Variants in BAIAP2L1 observed in about 807,000 individuals in gnomAD.
BAIAP2L1 encodes BAR/IMD domain-containing adapter protein 2-like 1.
In BAIAP2L1, 35 loss-of-function variants were observed where a neutral mutation model predicts 66.3. That is an observed-to-expected ratio of 0.53 (90% CI 0.40 to 0.70). The LOEUF (loss-of-function observed/expected upper bound fraction) is 0.70. Among genes scored for constraint, BAIAP2L1 ranks in the 30% least tolerant of loss-of-function variants. BAIAP2L1 has a pLI of 0.00. For synonymous variants in BAIAP2L1, 269 were observed against 248.7 expected (o/e 1.08, Z -0.77); for missense variants, 622 against 656.9 (o/e 0.95, Z 0.58).
In BAIAP2L1 at chr7:98,393,163, A is replaced by ATG. The variant is rs1290627919; in HGVS notation, c.51+7638_51+7639insCA. 3.1e-5 allele frequency among the ~76,000 whole-genome samples: 3 copies of ATG among 98,228 alleles called. 1 individual carries two copies. The highest frequency in any genetic ancestry group is 4.5e-5 in the Non-Finnish European group (2 of 44,446). The allele number at this position is 98,228 out of a possible 152,430, so 64.4% of individuals were successfully genotyped here. A position where few individuals can be genotyped will look rare whatever the true frequency, so the allele number is the denominator to read the frequency against. On this transcript the variant is annotated intron_variant, in intron 1 of 13. Transcript: ENST00000005260. The stretch of plus-strand genomic sequence containing the variant: ...TATGTGTACATATATATGTACACAT[A>ATG]TATGTATATATATACATATATGTGT...
At chr7:98,328,672 C>G (rs1801427677) in intron 3 of BAIAP2L1, among the ~76,000 whole-genome samples, 1 of 146,970 alleles carries the variant, frequency 6.8e-6, no homozygotes, top group South Asian at 2.2e-4. Flanking sequence ...ATAGCAAGAT[C>G]CCATCTCAAA....
At chr7:98,372,985 C>T (rs994837158) in intron 1 of BAIAP2L1, among the ~76,000 whole-genome samples, 10 of 152,154 alleles carry the variant, frequency 6.6e-5, no homozygotes, top group Non-Finnish European at 1.5e-4. Flanking sequence ...GGTGATCTGG[C>T]CGCCTTGGCC....
chr7:98,333,326 G>A (rs564345291), intron 3 of BAIAP2L1, among the ~76,000 whole-genome samples: 68 of 151,874 alleles, frequency 4.5e-4, no homozygotes, highest in Admixed American at 1.8e-3. Flanking sequence ...GGCCAGGTGC[G>A]GTGGCTCACA....
intron 3 of BAIAP2L1, among the ~76,000 whole-genome samples, chr7:98,354,151 A>G (rs947839739): frequency 6.6e-6 from 1 of 151,820 alleles, no homozygotes; most frequent in Non-Finnish European, 1.5e-5. Flanking sequence ...CCAACAGCCC[A>G]GCTCCTCAAC....
At chr7:98,381,068 G>C (rs544044642) in intron 1 of BAIAP2L1, among the ~76,000 whole-genome samples, 1 of 152,086 alleles carries the variant, frequency 6.6e-6, no homozygotes, top group African/African-American at 2.4e-5. Flanking sequence ...CTATGGAGCC[G>C]TCCACAGCCA....
chr7:98,311,767 A>G (rs1233254239), intron 8 of BAIAP2L1, among the ~76,000 whole-genome samples: 2 of 152,036 alleles, frequency 1.3e-5, no homozygotes, highest in Admixed American at 6.6e-5. Flanking sequence ...TTAGCCAGGC[A>G]TGGTGGTGCG....
intron 12 of BAIAP2L1, 112 bp from the exon 13 acceptor site, chr7:98,294,223 G>T: frequency 9.0e-7 from 1 of 1,107,566 alleles, no homozygotes; most frequent in Non-Finnish European, 1.3e-6. Context: ...GAACTCCTGA[G>T]CTCACGTGAT....
At chr7:98,398,525 GAACA>G (rs954543607) in intron 1 of BAIAP2L1, among the ~76,000 whole-genome samples, 57 of 150,516 alleles carry the variant, frequency 3.8e-4, no homozygotes, top group African/African-American at 1.2e-3. Context: ...TAATTAAAAC[GAACA>G]AACATTTAGT....
chr7:98,393,073 A>ATATATACGTATACATATATATG (rs1403231732), intron 1 of BAIAP2L1, among the ~76,000 whole-genome samples: 2 of 110,526 alleles, frequency 1.8e-5, no homozygotes, highest in East Asian at 2.2e-4. Flanking sequence ...ACATATATGT[A>ATATATACGTATACATATATATG]TACACACACA....
rs1441384766 is a variant in BAIAP2L1, at chr7:98,298,751, G to A, written c.1423-4640C>T. On this transcript the variant is annotated intron_variant, in intron 12 of 13. Coordinates refer to ENST00000005260, the MANE Select transcript of BAIAP2L1 (RefSeq NM_018842.5). ...GTTAGGGAAAGCTAAGTTATTAATC[G>A]AGGTGGACATAAAAAGGCTGAGACA... Among the ~76,000 whole-genome samples, 5 of 152,186 alleles carry A rather than the reference G, an allele frequency of 3.3e-5. No homozygotes were observed. In the South Asian group the frequency reaches 8.3e-4, roughly 25 times the overall value.
Position 98,400,984 on chromosome 7 carries a change from C to T in BAIAP2L1, c.-132G>A, listed in dbSNP as rs1002419118. 39 of 697,848 alleles carry T rather than the reference C, an allele frequency of 5.6e-5. No homozygotes were observed. The Middle Eastern group carries it at 2.2e-3, about 40-fold the overall frequency. The allele number at this position is 697,848 out of a possible 1,614,324, so 43.2% of individuals were successfully genotyped here. On this transcript the variant is annotated 5_prime_UTR_variant, in exon 1 of 14. Coordinates refer to ENST00000005260, the MANE Select transcript of BAIAP2L1 (RefSeq NM_018842.5). ...GTCGGCCGCCGCCGCAGCCGTCGGC[C>T]CGAGAGTGCCCGCGCGCGTCTCCGC...
chr7:98,386,662 C>T lies in BAIAP2L1; in HGVS notation c.51+14140G>A, dbSNP rs539769973. 3.8e-4 allele frequency: 298 copies of T among 780,954 alleles called. 2 individuals are homozygous for T. In the Admixed American group the frequency reaches 7.3e-3, roughly 19 times the overall value. The allele number at this position is 780,954 out of a possible 1,614,324, so 48.4% of individuals were successfully genotyped here. A position where few individuals can be genotyped will look rare whatever the true frequency, so the allele number is the denominator to read the frequency against. ...CCGAGAACTTTTTTTTGTCTCTCAT[C>T]GACTTCTCTCCTATATTCAACTTTC... On this transcript the variant is annotated intron_variant, in intron 1 of 13. Transcript: ENST00000005260.
chr7:98,293,283 GGAA>G lies in BAIAP2L1; in HGVS notation c.*235_*237del. The G allele has an allele frequency of 2.3e-6, 1 of 444,354 alleles. No individual in the cohort carries two copies. The highest frequency in any genetic ancestry group is 4.0e-6 in the Non-Finnish European group (1 of 247,512). 27.5% of individuals were successfully genotyped at this position (444,354 alleles called of 1,614,324 possible). On this transcript the variant is annotated 3_prime_UTR_variant, in exon 14 of 14. Coordinates refer to ENST00000005260, the MANE Select transcript of BAIAP2L1 (RefSeq NM_018842.5). Reference sequence around the variant, plus strand: ...AGTTTACTGTTTCTTGAACAGAATAGGAAGAAAATATTTTAAATGGCTGAGCTG... The same window carrying G: ...AGTTTACTGTTTCTTGAACAGAATAGGAAAATATTTTAAATGGCTGAGCTG...
chr7:98,383,061 G>A (rs1802795683), intron 1 of BAIAP2L1, among the ~76,000 whole-genome samples: 1 of 151,942 alleles, frequency 6.6e-6, no homozygotes, highest in African/African-American at 2.4e-5. Context: ...TACTTGGGAG[G>A]GTGAGGCAGG....
intron 3 of BAIAP2L1, among the ~76,000 whole-genome samples, chr7:98,345,236 T>G (rs1339957544): frequency 6.6e-6 from 1 of 152,226 alleles, no homozygotes; most frequent in African/African-American, 2.4e-5. Context: ...AAAGAATCCT[T>G]CATGAACGGC....
rs760454552 is a variant in BAIAP2L1 at position 98,294,038 on chromosome 7, TCA to T, written c.1460+34_1460+35del. The T allele has an allele frequency of 2.4e-5, 39 of 1,609,684 alleles. No homozygotes were observed. In the South Asian group the frequency reaches 4.2e-4, roughly 17 times the overall value. ...GGGGACACTACAGGGAAGAGCAATG[TCA>T]CACACTGAGGCTCACGTAGGAAGCC... On this transcript the variant is annotated intron_variant, in intron 13 of 13. Transcript: ENST00000005260.
At position 98,360,263 on chromosome 7, in the gene BAIAP2L1, G is replaced by A. The variant is rs898887379; in HGVS notation, c.127+2094C>T. Among the ~76,000 whole-genome samples the A allele has an allele frequency of 5.9e-5, 9 of 151,716 alleles. No homozygotes were observed. The East Asian group carries it at 7.8e-4, about 13-fold the overall frequency. ...ATTTTTTTTGTAGTGACGGGGTCTC[G>A]AATTCCTGGGCTAAAGCTATCCTCC... is the stretch of plus-strand genomic sequence containing the variant. On this transcript the variant is annotated intron_variant, in intron 2 of 13. Coordinates refer to ENST00000005260, the MANE Select transcript of BAIAP2L1 (RefSeq NM_018842.5).
chr7:98,397,318 C>CTTTTTTTTTTTT (rs36101597), intron 1 of BAIAP2L1, among the ~76,000 whole-genome samples: 1 of 74,498 alleles, frequency 1.3e-5, no homozygotes, highest in African/African-American at 5.4e-5. Context: ...TTCTTAAGCC[C>CTTTTTTTTTTTT]TTTTTTTTTT....
intron 9 of BAIAP2L1, chr7:98,309,539 A>C (rs1382898659): frequency 6.6e-6 from 1 of 152,222 alleles, no homozygotes; most frequent in Non-Finnish European, 1.5e-5. Context: ...ACATACTTTA[A>C]CTGTGTATTT....
Sources: gnomAD v4.1 joint callset for allele counts (sites outside exome capture counted in the v4.1 genomes callset) on GRCh38, gnomAD v4.1.1 for gene constraint, MANE v1.5 for transcripts, NCBI Gene and HGNC (gene_info 2026-07-23, HGNC 2026-07-21) for gene names.